MAVS: variants seen among roughly 807,000 people sequenced by gnomAD.
MAVS encodes mitochondrial antiviral-signaling protein.
MAVS carries 20 observed loss-of-function variants against 30.2 expected under a neutral mutation model. The observed-to-expected ratio is 0.66, with a 90% CI of 0.47 to 0.96. The LOEUF (loss-of-function observed/expected upper bound fraction) is 0.96, where lower values mean the gene tolerates loss of function less well. Ranked by LOEUF, MAVS falls within the 40% of genes least tolerant of loss-of-function variation. The pLI is 0.00. For synonymous variants in MAVS, 278 were observed against 293.9 expected (o/e 0.95, Z 0.55); for missense variants, 624 against 701.1 (o/e 0.89, Z 1.24).
intron 1 of MAVS, among the ~76,000 whole-genome samples, chr20:3,847,191 C>G (rs1352134266): frequency 6.6e-6 from 1 of 152,142 alleles, no homozygotes; most frequent in South Asian, 2.1e-4. Context: ...CAGAAGGGGA[C>G]GGGCAGCGGC....
At position 3,873,042 on chromosome 20, in the gene MAVS, A is replaced by C. The variant is rs16989022; in HGVS notation, c.*6895A>C. 10,129 of 152,376 alleles carry C rather than the reference A, an allele frequency of 0.066. 448 individuals are homozygous for C. Among genetic ancestry groups the C allele is most frequent in the East Asian group, 0.22 (1,177 of 5,310 alleles). The allele number at this position is 152,376 out of a possible 1,614,324, so 9.4% of individuals were successfully genotyped here. A position where few individuals can be genotyped will look rare whatever the true frequency, so the allele number is the denominator to read the frequency against. ...CAGTTATGTACTGTTTATAATAAGT[A>C]AATCAGCAGAGGGGGAATAATACTT... is the stretch of plus-strand genomic sequence containing the variant. On this transcript the variant is annotated 3_prime_UTR_variant, in exon 7 of 7. Coordinates refer to ENST00000428216, the MANE Select transcript of MAVS (RefSeq NM_020746.5).
In MAVS at chr20:3,873,237, G is replaced by A. The variant is rs1600461817; in HGVS notation, c.*7090G>A. The A allele has an allele frequency of 6.6e-6, 1 of 152,110 alleles. No homozygotes were observed. Among genetic ancestry groups the A allele is most frequent in the African/African-American group, 2.4e-5 (1 of 41,418 alleles). The allele number at this position is 152,110 out of a possible 1,614,324, so 9.4% of individuals were successfully genotyped here. On this transcript the variant is annotated 3_prime_UTR_variant, in exon 7 of 7. Transcript: ENST00000428216. ...AACCCCCAAAGCAATGGCATTAAGAGGTGGGGCCTTTGGGGCTGGGTATGG... is the reference window on the plus strand; with the variant it reads ...AACCCCCAAAGCAATGGCATTAAGAAGTGGGGCCTTTGGGGCTGGGTATGG...
chr20:3,847,203 G>A (rs2146749899), intron 1 of MAVS, among the ~76,000 whole-genome samples: 1 of 152,302 alleles, frequency 6.6e-6, no homozygotes, highest in East Asian at 1.9e-4. Context: ...GGCAGCGGCC[G>A]CTGACCTCCT....
rs1452377830 is a variant in MAVS, at chr20:3,870,636, A to C, written c.*4489A>C. Reference sequence around the variant, plus strand: ...GCAACAAAGCAAGACCCTATCTCTAAAAAAAAAAAAAAAAAAAAAAAAAAA... The same window carrying C: ...GCAACAAAGCAAGACCCTATCTCTACAAAAAAAAAAAAAAAAAAAAAAAAA... On this transcript the variant is annotated 3_prime_UTR_variant, in exon 7 of 7. Coordinates refer to ENST00000428216, the MANE Select transcript of MAVS (RefSeq NM_020746.5). 2.7e-5 allele frequency: 1 copy of C among 37,198 alleles called. No individual in the cohort carries two copies. The highest frequency in any genetic ancestry group is 4.8e-5 in the Non-Finnish European group (1 of 20,754). 2.3% of individuals were successfully genotyped at this position (37,198 alleles called of 1,614,324 possible).
At chr20:3,853,612 C>G (rs2089783495) in intron 1 of MAVS, among the ~76,000 whole-genome samples, 1 of 151,978 alleles carries the variant, frequency 6.6e-6, no homozygotes, top group African/African-American at 2.4e-5. Context: ...TGGGCAGCAT[C>G]ATGAGACCCT....
At chr20:3,864,819 T>C (rs756941893) in intron 6 of MAVS, 31 bp downstream of exon 6, 2 of 1,601,730 alleles carry the variant, frequency 1.2e-6, no homozygotes, top group Non-Finnish European at 1.7e-6. Flanking sequence ...GCAGGGATCC[T>C]GGCCCCTTCC....
intron 1 of MAVS, among the ~76,000 whole-genome samples, chr20:3,851,073 C>G (rs2089756179): frequency 6.6e-6 from 1 of 151,934 alleles, no homozygotes; most frequent in African/African-American, 2.4e-5. Context: ...GTAATCCTAG[C>G]AACTTGGGAG....
intron 1 of MAVS, among the ~76,000 whole-genome samples, chr20:3,849,068 T>C (rs1286320494): frequency 6.6e-6 from 1 of 152,148 alleles, no homozygotes; most frequent in African/African-American, 2.4e-5. Context: ...GATCCTCTTC[T>C]TTCCCTGCCG....
At chr20:3,850,808 C>A (rs1273749990) in intron 1 of MAVS, among the ~76,000 whole-genome samples, 1 of 150,092 alleles carries the variant, frequency 6.7e-6, no homozygotes, top group Non-Finnish European at 1.5e-5. Context: ...ATGGTGTGAA[C>A]CCAGGAGGTG....
At position 3,862,340 on chromosome 20, in the gene MAVS, G is replaced by A; in HGVS notation, c.552G>A (p.Leu184=). Residue 184 remains leucine (L), a synonymous_variant, in exon 5 of 7, where the codon CTG becomes CTA. Transcript: ENST00000428216. ...GCCCCCTGGAGTCCTCCTCTGACCTGGCAGCCCTCAGCCCTCTGACCTCCA... is the reference window on the plus strand; with the variant it reads ...GCCCCCTGGAGTCCTCCTCTGACCTAGCAGCCCTCAGCCCTCTGACCTCCA... The part of the protein sequence containing the change: ...DGGPLESSSD[L]AALSPLTSSG... The A allele has an allele frequency of 1.2e-6, 2 of 1,614,116 alleles. No homozygotes were observed. Among genetic ancestry groups the A allele is most frequent in the African/African-American group, 1.3e-5 (1 of 75,048 alleles).
rs2089899067 is a variant in MAVS at position 3,865,492 on chromosome 20, C to T, written c.1159-191C>T. Among the ~76,000 whole-genome samples the T allele has an allele frequency of 6.6e-6, 1 of 152,092 alleles. No homozygotes were observed. Among genetic ancestry groups the T allele is most frequent in the Middle Eastern group, 3.2e-3 (1 of 316 alleles). On this transcript the variant is annotated intron_variant, in intron 6 of 6. Transcript: ENST00000428216. The surrounding 1 kb of genome is among the most constrained non-coding windows in gnomAD (Gnocchi z 4.7). ...TAGGGAAAGGCTGCCCTGGAGGAGG[C>T]CACCATTGGTGCAGATTCTTGGTCC...
rs1568531967 is a variant in MAVS, at chr20:3,852,010, C to CTTTTT, written c.-67-2548_-67-2547insTTTTT. 4.8e-4 allele frequency among the ~76,000 whole-genome samples: 19 copies of CTTTTT among 39,436 alleles called. 1 individual carries two copies. The highest frequency in any genetic ancestry group is 2.4e-3 in the African/African-American group (18 of 7,616). The allele number at this position is 39,436 out of a possible 152,430, so 25.9% of individuals were successfully genotyped here. ...GCAGGCTTTTTTTTTTTTTTTTTCCCCCGAGACGGAATCTGGCTCTGTCGC... is the reference window on the plus strand; with the variant it reads ...GCAGGCTTTTTTTTTTTTTTTTTCCCTTTTTCCGAGACGGAATCTGGCTCTGTCGC... On this transcript the variant is annotated intron_variant, in intron 1 of 6. Coordinates refer to ENST00000428216, the MANE Select transcript of MAVS (RefSeq NM_020746.5).
At chr20:3,864,168 A>G in intron 5 of MAVS, 88 bp from the exon 6 acceptor site, 2 of 1,405,912 alleles carry the variant, frequency 1.4e-6, no homozygotes, top group South Asian at 1.4e-5. Flanking sequence ...AGTAGGGACC[A>G]TGAGATCTGG....
Position 3,866,137 on chromosome 20 carries a change from G to A in MAVS, c.1613G>A (p.Arg538His), listed in dbSNP as rs761713524. 3.0e-5 allele frequency: 48 copies of A among 1,587,344 alleles called. No individual in the cohort carries two copies. The highest frequency in any genetic ancestry group is 1.7e-4 in the Middle Eastern group (1 of 5,998). ...CTCCTGGTGGTGCTGTACCGGCGGCGTCTGCACTAGTGAAGCCCTGGGCTC... is the reference window on the plus strand; with the variant it reads ...CTCCTGGTGGTGCTGTACCGGCGGCATCTGCACTAGTGAAGCCCTGGGCTC... ...VTLLVVLYRR[R>H]LH Residue 538 changes from arginine (R) to histidine (H), a missense_variant, in exon 7 of 7, where the codon CGT (arginine) becomes CAT (histidine). Arg to His is a conservative substitution (Grantham distance 29). Transcript: ENST00000428216.
chr20:3,850,133 C>T (rs866690127), intron 1 of MAVS, among the ~76,000 whole-genome samples: 7 of 151,186 alleles, frequency 4.6e-5, no homozygotes, highest in African/African-American at 7.3e-5. Flanking sequence ...AAAAATTAGC[C>T]GAGCGTGGTA....
At position 3,865,743 on chromosome 20, in the gene MAVS, A is replaced by G; in HGVS notation, c.1219A>G (p.Ser407Gly). Reference sequence around the variant, plus strand: ...TGGAGGCAGCTCAGCCTGGCTAGACAGCAGCTCTGAGAATAGGGGCCTTGG... The same window carrying G: ...TGGAGGCAGCTCAGCCTGGCTAGACGGCAGCTCTGAGAATAGGGGCCTTGG... ...ATGGSSAWLD[S>G]SSENRGLGSE... Residue 407 changes from serine (S) to glycine (G), a missense_variant, in exon 7 of 7, where the codon AGC becomes GGC. Ser to Gly is a moderately conservative substitution (Grantham distance 56). Transcript: ENST00000428216. This position sits in a 1 kb window ranked among gnomAD's most constrained non-coding sequence, Gnocchi z 4.7. The G allele has an allele frequency of 6.2e-7, 1 of 1,613,356 alleles. No individual in the cohort carries two copies. Among genetic ancestry groups the G allele is most frequent in the Non-Finnish European group, 8.5e-7 (1 of 1,179,952 alleles).
intron 3 of MAVS, among the ~76,000 whole-genome samples, chr20:3,860,296 C>T (rs1041722117): frequency 3.3e-5 from 5 of 151,668 alleles, no homozygotes; most frequent in African/African-American, 7.3e-5. Context: ...GGCATGACTT[C>T]GGCTCACCAC....
At chr20:3,848,461 A>AC (rs1374102299) in intron 1 of MAVS, among the ~76,000 whole-genome samples, 2 of 151,760 alleles carry the variant, frequency 1.3e-5, no homozygotes, top group Non-Finnish European at 2.9e-5. Flanking sequence ...GGCTCAGAGG[A>AC]CCCCCGCCTC....
In MAVS at chr20:3,864,288, C is replaced by T. The variant is rs2089887870; in HGVS notation, c.658C>T (p.Pro220Ser). ...CTCCAGCCTCACACCATCCCGTGGG[C>T]CTGTGTCTCCATCTGTCTCCTTCCA... ...ATSSLTPSRG[P>S]VSPSVSFQPL... The change falls in exon 6 of 7, where the codon CCT becomes TCT. Residue 220 changes from proline (P) to serine (S), a missense_variant. By Grantham distance (74) the Pro-to-Ser change is moderately conservative. Transcript: ENST00000428216. The T allele has an allele frequency of 7.4e-6, 12 of 1,612,420 alleles. No individual in the cohort carries two copies. The highest frequency in any genetic ancestry group is 1.0e-5 in the Non-Finnish European group (12 of 1,179,242).
Sources: allele counts gnomAD v4.1 joint callset (sites outside exome capture counted in the v4.1 genomes callset), GRCh38; gene constraint gnomAD v4.1.1; non-coding constraint Gnocchi (gnomAD v3.1); transcripts MANE v1.5; gene names NCBI Gene and HGNC (gene_info 2026-07-23, HGNC 2026-07-21).